Variants in COL4A5 observed in about 807,000 individuals in gnomAD.
The protein encoded by COL4A5 is collagen alpha-5(IV) chain.
A neutral mutation model predicts 130.2 loss-of-function variants in COL4A5; 26 were observed. The ratio of observed to expected loss-of-function variants is 0.20; its 90% CI spans 0.15 to 0.28. The LOEUF is 0.28. Ranked by LOEUF, COL4A5 falls within the 10% of genes least tolerant of loss-of-function variation. The pLI is 1.00. For synonymous variants in COL4A5, 496 were observed against 439.6 expected, an observed-to-expected ratio of 1.13 and a Z score of -1.60; for missense variants, 1,131 against 1,344.3, an observed-to-expected ratio of 0.84 and a Z score of 2.48.
At chrX:108,650,308 C>A (rs753937072) in intron 36 of COL4A5, among the ~76,000 whole-genome samples, 41 of 111,301 alleles carry the variant, frequency 3.7e-4, no homozygotes, top group Non-Finnish European at 5.8e-4. Flanking sequence ...TCAGGGAACA[C>A]TTCTACACTG....
chrX:108,679,743 T>G (rs758617016), intron 44 of COL4A5, among the ~76,000 whole-genome samples: 2 of 95,001 alleles, frequency 2.1e-5, no homozygotes, highest in East Asian at 6.5e-4. Flanking sequence ...GGGGGGATGA[T>G]TGTTTGAGCC....
At chrX:108,623,449 A>C (rs1026847711) in intron 33 of COL4A5, among the ~76,000 whole-genome samples, 2 of 104,284 alleles carry the variant, frequency 1.9e-5, no homozygotes, top group East Asian at 3.0e-4. Flanking sequence ...TAAAAAAAAA[A>C]CCTTTTTTAT....
intron 2 of COL4A5, among the ~76,000 whole-genome samples, chrX:108,558,156 T>C (rs766627848): frequency 1.0e-5 from 1 of 95,975 alleles, no homozygotes; most frequent in African/African-American, 3.9e-5. Context: ...TTCCCACCTA[T>C]GAGTGAGAAC....
At chrX:108,655,845 A>G (rs956505804) in intron 37 of COL4A5, among the ~76,000 whole-genome samples, 7 of 112,804 alleles carry the variant, frequency 6.2e-5, no homozygotes, top group Non-Finnish European at 1.3e-4. Context: ...AGCGGTTGGT[A>G]GAACAATCAT....
At chrX:108,672,772 A>G (rs1423317711) in intron 42 of COL4A5, among the ~76,000 whole-genome samples, 1 of 111,848 alleles carries the variant, frequency 8.9e-6, no homozygotes, top group Non-Finnish European at 1.9e-5. Flanking sequence ...TCAATGAAAT[A>G]TTTTGCTGAG....
chrX:108,537,333 T>G (rs963678037), intron 1 of COL4A5, among the ~76,000 whole-genome samples: 13 of 111,751 alleles, frequency 1.2e-4, no homozygotes, highest in African/African-American at 4.2e-4. Context: ...AATTTTAAAT[T>G]GAATTTAAAC....
chrX:108,586,487 C>T, intron 18 of COL4A5, 128 bp from the exon 19 acceptor site: 1 of 636,406 alleles, frequency 1.6e-6, no homozygotes, highest in Non-Finnish European at 2.5e-6. Flanking sequence ...GGGAGTGATA[C>T]AAAATGTGAC....
intron 16 of COL4A5, among the ~76,000 whole-genome samples, chrX:108,581,781 A>G (rs2147778968): frequency 9.1e-6 from 1 of 110,374 alleles, no homozygotes; most frequent in Admixed American, 9.7e-5. Context: ...ACATTGAAGG[A>G]TATTTTGGTT....
At chrX:108,667,218 A>G (rs374754820) in intron 40 of COL4A5, 35 bp downstream of exon 40, 1 of 1,116,614 alleles carries the variant, frequency 9.0e-7, no homozygotes, top group Admixed American at 2.2e-5. Context: ...ATCAATCTAT[A>G]ATAAAATGAG....
intron 13 of COL4A5, 109 bp from the exon 14 acceptor site, chrX:108,580,424 G>T (rs1603283464): frequency 4.6e-6 from 3 of 650,217 alleles, no homozygotes; most frequent in Non-Finnish European, 7.8e-6. Flanking sequence ...CAACATAGAT[G>T]TAGCTGTGGT....
intron 1 of COL4A5, among the ~76,000 whole-genome samples, chrX:108,483,280 A>G (rs182849639): frequency 9.1e-6 from 1 of 110,337 alleles, no homozygotes; most frequent in Non-Finnish European, 1.9e-5. Flanking sequence ...GTATTAACGT[A>G]CATGATCACA....
intron 2 of COL4A5, among the ~76,000 whole-genome samples, chrX:108,544,016 G>A (rs1244950333): frequency 1.4e-4 from 16 of 111,928 alleles, no homozygotes; most frequent in South Asian, 3.8e-4. Context: ...AGGCTGAGAC[G>A]ATGGGGTTTT....
chrX:108,544,083 A>G (rs1297580093), intron 2 of COL4A5, among the ~76,000 whole-genome samples: 1 of 111,577 alleles, frequency 9.0e-6, no homozygotes, highest in East Asian at 2.8e-4. Context: ...CTTTTTTCCT[A>G]ATTGAATACT....
rs758983710 is a variant in COL4A5 at position 108,597,067 on chromosome X, C to A, written c.1586C>A (p.Pro529Gln). Residue 529 changes from proline to glutamine, a missense_variant and splice_region_variant, in exon 23 of 53, where the codon CCA becomes CAA. Coordinates refer to ENST00000328300, the MANE Select transcript of COL4A5 (RefSeq NM_033380.3). Reference sequence around the variant, plus strand: ...GGTGCAACTGGTCCCAAAGGATTACCAGTAAGTTTTGAGTATATTATAAAA... The same window carrying A: ...GGTGCAACTGGTCCCAAAGGATTACAAGTAAGTTTTGAGTATATTATAAAA... ...QAGATGPKGL[P>Q]GIPGAPGAPG... The A allele has an allele frequency of 3.9e-5, 46 of 1,187,497 alleles. 1 individual carries two copies. The South Asian group carries it at 7.9e-4, about 20-fold the overall frequency.
chrX:108,475,575 G>C (rs1476575177), intron 1 of COL4A5, among the ~76,000 whole-genome samples: 1 of 111,320 alleles, frequency 9.0e-6, no homozygotes, highest in African/African-American at 3.3e-5. Context: ...TATTATCTCA[G>C]TGGTTCTCAA....
At chrX:108,680,994 T>C (rs781099869) in intron 46 of COL4A5, 38 bp downstream of exon 46, 2 of 1,107,850 alleles carry the variant, frequency 1.8e-6, no homozygotes, top group South Asian at 1.8e-5. Context: ...ACCTGATACT[T>C]AGATGCTTTA....
At chrX:108,472,004 C>T (rs1299571385) in intron 1 of COL4A5, among the ~76,000 whole-genome samples, 3 of 111,573 alleles carry the variant, frequency 2.7e-5, no homozygotes, top group African/African-American at 9.7e-5. Context: ...CAATTTCCTT[C>T]ACTACATCCC....
chrX:108,628,171 T>C (rs749948078), intron 36 of COL4A5, among the ~76,000 whole-genome samples: 8 of 110,793 alleles, frequency 7.2e-5, no homozygotes, highest in Non-Finnish European at 1.5e-4. Flanking sequence ...TTTAACCTAT[T>C]ATGAATATGA....
intron 20 of COL4A5, 147 bp from the exon 21 acceptor site, chrX:108,591,414 T>C: frequency 1.6e-6 from 1 of 618,147 alleles, no homozygotes; most frequent in Non-Finnish European, 2.6e-6. Flanking sequence ...CATATAGTAT[T>C]TATCAGCAAT....
Sources: allele counts gnomAD v4.1 joint callset (sites outside exome capture counted in the v4.1 genomes callset), GRCh38; gene constraint gnomAD v4.1.1; transcripts MANE v1.5; gene names NCBI Gene and HGNC (gene_info 2026-07-23, HGNC 2026-07-21).